Variants in POLK observed in about 807,000 individuals in gnomAD.
POLK encodes the protein polymerase (DNA directed) kappa.
A neutral mutation model predicts 94.0 loss-of-function variants in POLK; 76 were observed. The ratio of observed to expected loss-of-function variants is 0.81; its 90% CI spans 0.67 to 0.98. POLK has a LOEUF of 0.98. Among genes scored for constraint, POLK ranks in the 50% least tolerant of loss-of-function variants. The pLI is 0.00. For missense variants in POLK, 954 were observed against 1,010.1 expected (o/e 0.94, Z 0.75); for synonymous variants, 349 against 325.4 (o/e 1.07, Z -0.78).
At chr5:75,590,947 C>A (rs937562883) in intron 11 of POLK, among the ~76,000 whole-genome samples, 1 of 152,158 alleles carries the variant, frequency 6.6e-6, no homozygotes, top group South Asian at 2.1e-4. Context: ...TTATAATCTT[C>A]ACTCACAACA....
chr5:75,516,236 T>C (rs890038795), intron 1 of POLK, among the ~76,000 whole-genome samples: 1 of 152,182 alleles, frequency 6.6e-6, no homozygotes, highest in Non-Finnish European at 1.5e-5. Context: ...TGATATAATC[T>C]AATTTGTCTA....
At chr5:75,586,460 T>G (rs1772476169) in intron 9 of POLK, among the ~76,000 whole-genome samples, 1 of 152,182 alleles carries the variant, frequency 6.6e-6, no homozygotes, top group Non-Finnish European at 1.5e-5. Flanking sequence ...ACTCTACATG[T>G]CATTTCAACT....
exon 4 of POLK, chr5:75,569,458 A>G (rs1467755682): frequency 4.3e-6 from 7 of 1,613,664 alleles, no homozygotes; most frequent in African/African-American, 2.7e-5. Flanking sequence ...GAATTGAAGG[A>G]TAAACCCATT....
At chr5:75,584,062 T>C (rs1416819286) in intron 8 of POLK, among the ~76,000 whole-genome samples, 1 of 152,220 alleles carries the variant, frequency 6.6e-6, no homozygotes, top group Non-Finnish European at 1.5e-5. Flanking sequence ...GACTAGTATA[T>C]GTGAGGAGTA....
upstream of POLK, chr5:75,510,970 C>A: frequency 1.7e-6 from 2 of 1,177,884 alleles, no homozygotes; most frequent in Non-Finnish European, 2.3e-6. Context: ...ATCCCCGCCT[C>A]ATCCCTAGTC....
intron 1 of POLK, among the ~76,000 whole-genome samples, chr5:75,519,180 A>T (rs1768457086): frequency 1.3e-5 from 2 of 152,164 alleles, no homozygotes; most frequent in South Asian, 4.1e-4. Flanking sequence ...CAATTAATTA[A>T]TTTTTTGTAT....
chr5:75,596,018 T>C (rs1389832639), intron 12 of POLK, among the ~76,000 whole-genome samples: 1 of 152,248 alleles, frequency 6.6e-6, no homozygotes, highest in Non-Finnish European at 1.5e-5. Context: ...ATCATTATAC[T>C]AACTCCAAAT....
intron 1 of POLK, among the ~76,000 whole-genome samples, chr5:75,523,889 C>T (rs755937019): frequency 1.3e-5 from 2 of 151,940 alleles, no homozygotes; most frequent in African/African-American, 2.4e-5. Context: ...CAGCACTTTG[C>T]GGGGCCGAGG....
chr5:75,584,615 G>C (rs1772365541), intron 8 of POLK, 145 bp from the exon 9 acceptor site: 1 of 537,452 alleles, frequency 1.9e-6, no homozygotes, highest in Non-Finnish European at 3.2e-6. Context: ...AGGTTGTGGG[G>C]AGCCAACTTG....
intron 1 of POLK, among the ~76,000 whole-genome samples, chr5:75,519,172 A>G (rs1768456850): frequency 6.6e-6 from 1 of 152,226 alleles, no homozygotes; most frequent in South Asian, 2.1e-4. Context: ...AAATCAAACA[A>G]TTAATTAATT....
Position 75,593,970 on chromosome 5 carries a change from A to C in POLK, c.1449A>C (p.Glu483Asp), listed in dbSNP as rs752301825. The change falls in exon 12 of 15, where the codon GAA (glutamate) becomes GAC (aspartate). Residue 483 changes from glutamate to aspartate, a missense_variant. Glu to Asp is a conservative substitution (Grantham distance 45). Transcript: ENST00000241436. ...CATCTGTTGTTTCTACTGCAGAAGA[A>C]ATATTTGCCATTGCTAAGGAATTGC... 4.3e-6 allele frequency: 7 copies of C among 1,610,984 alleles called. No individual in the cohort carries two copies. The African/African-American group carries it at 8.0e-5, about 18-fold the overall frequency.
At chr5:75,559,348 ACTT>A (rs1009783499) in intron 3 of POLK, among the ~76,000 whole-genome samples, 61 of 152,192 alleles carry the variant, frequency 4.0e-4, no homozygotes, top group African/African-American at 1.4e-3. Context: ...ATCTCAGTGG[ACTT>A]CTTAAAGCAC....
At chr5:75,527,717 CTTTT>C (rs1213301878) in intron 1 of POLK, among the ~76,000 whole-genome samples, 1 of 151,952 alleles carries the variant, frequency 6.6e-6, no homozygotes, top group Non-Finnish European at 1.5e-5. Context: ...ATCTCAAAAT[CTTTT>C]TGGAAAGAAA....
chr5:75,513,935 T>C (rs936309498), intron 1 of POLK, among the ~76,000 whole-genome samples: 7 of 152,284 alleles, frequency 4.6e-5, no homozygotes, highest in Non-Finnish European at 1.0e-4. Context: ...GTATATTAGG[T>C]ATCAGTAGAA....
chr5:75,594,131 C>T, intron 12 of POLK, 82 bp downstream of exon 12: 1 of 925,296 alleles, frequency 1.1e-6, no homozygotes, highest in African/African-American at 1.7e-5. Flanking sequence ...CAGGGGGCCC[C>T]CAACTTAACA....
At chr5:75,515,008 C>A (rs989004256) in intron 1 of POLK, among the ~76,000 whole-genome samples, 2 of 152,270 alleles carry the variant, frequency 1.3e-5, no homozygotes, top group African/African-American at 4.8e-5. Context: ...AAAGAAAATT[C>A]ATCCACATGC....
At chr5:75,598,708 A>G (rs1041918864) in exon 15 of POLK, 4 of 152,182 alleles carry the variant, frequency 2.6e-5, no homozygotes, top group Admixed American at 1.3e-4. Flanking sequence ...ATTTCTTGTC[A>G]ATTATGTTGG....
intron 1 of POLK, chr5:75,513,055 C>T (rs4604177): frequency 0.54 from 82,690 of 152,102 alleles, 25,672 homozygotes; most frequent in African/African-American, 0.86. Context: ...TGATGACCTT[C>T]TCCCATATCC....
chr5:75,590,712 C>G (rs563916706), intron 11 of POLK, among the ~76,000 whole-genome samples: 1 of 152,116 alleles, frequency 6.6e-6, no homozygotes, highest in Non-Finnish European at 1.5e-5. Context: ...CTCAGGAGTA[C>G]ATTTGAATAA....
Sources: allele counts gnomAD v4.1 joint callset (sites outside exome capture counted in the v4.1 genomes callset), GRCh38; gene constraint gnomAD v4.1.1; transcripts MANE v1.5; gene names NCBI Gene and HGNC (gene_info 2026-07-23, HGNC 2026-07-21).